The following LRRC4C variants were observed in gnomAD, a reference collection of about 807,000 sequenced individuals.
The protein encoded by LRRC4C is leucine rich repeat containing 4C.
LRRC4C carries 5 observed loss-of-function variants against 33.6 expected under a neutral mutation model. That is an observed-to-expected ratio of 0.15 (90% confidence interval 0.08 to 0.31). The LOEUF (loss-of-function observed/expected upper bound fraction) is 0.31, where lower values mean the gene tolerates loss of function less well. LRRC4C is among the 10% of genes least tolerant of loss of function. The probability of loss-of-function intolerance (pLI) is 1.00; values close to 1 mark genes in which losing one functional copy is unlikely to be tolerated. For missense variants in LRRC4C, 560 were observed against 796.7 expected (o/e 0.70, Z 3.58); for synonymous variants, 329 against 302.0 (o/e 1.09, Z -0.93).
intron 3 of LRRC4C, among the ~76,000 whole-genome samples, chr11:40,323,381 T>C (rs1945945688): frequency 6.6e-6 from 1 of 152,234 alleles, no homozygotes; most frequent in Non-Finnish European, 1.5e-5. Flanking sequence ...AGAAGCTCAA[T>C]GTGAATTATG....
At chr11:40,679,102 G>T (rs189609810) in intron 2 of LRRC4C, among the ~76,000 whole-genome samples, 30 of 152,274 alleles carry the variant, frequency 2.0e-4, no homozygotes, top group African/African-American at 7.0e-4. Flanking sequence ...CTAGAGCAAA[G>T]GTGACCCTTG....
At chr11:40,150,394 T>C (rs191298246) in intron 5 of LRRC4C, among the ~76,000 whole-genome samples, 4 of 152,374 alleles carry the variant, frequency 2.6e-5, no homozygotes, top group African/African-American at 9.6e-5. Context: ...TTTCTTTGTA[T>C]TCTATATGCA....
intron 1 of LRRC4C, among the ~76,000 whole-genome samples, chr11:41,211,079 T>C (rs996873817): frequency 6.6e-6 from 1 of 152,172 alleles, no homozygotes; most frequent in Non-Finnish European, 1.5e-5. Context: ...TGCGGCCTAG[T>C]TCCTAACAGG....
intron 1 of LRRC4C, among the ~76,000 whole-genome samples, chr11:41,176,010 C>A (rs1026310479): frequency 1.3e-5 from 2 of 152,154 alleles, no homozygotes; most frequent in South Asian, 4.1e-4. Flanking sequence ...CCTACGCATT[C>A]CCTGACTATA....
At chr11:41,235,158 G>A (rs1947963870) in intron 1 of LRRC4C, among the ~76,000 whole-genome samples, 1 of 152,010 alleles carries the variant, frequency 6.6e-6, no homozygotes, top group African/African-American at 2.4e-5. Flanking sequence ...AATGGGGTAG[G>A]TGGGTCAATT....
chr11:40,226,095 A>T (rs1360109756), intron 5 of LRRC4C, among the ~76,000 whole-genome samples: 1 of 152,204 alleles, frequency 6.6e-6, no homozygotes, highest in African/African-American at 2.4e-5. Context: ...CCAGTTTTAT[A>T]AAAAAGTACA....
chr11:40,456,286 T>C (rs1022076413), intron 3 of LRRC4C, among the ~76,000 whole-genome samples: 1 of 152,186 alleles, frequency 6.6e-6, no homozygotes, highest in Non-Finnish European at 1.5e-5. Context: ...TATATGTATA[T>C]TGTAGCAATT....
intron 1 of LRRC4C, among the ~76,000 whole-genome samples, chr11:41,186,394 C>T (rs1300433112): frequency 6.6e-6 from 1 of 152,050 alleles, no homozygotes; most frequent in Admixed American, 6.6e-5. Context: ...AACCATATTT[C>T]AAGTTAAAAT....
At chr11:40,820,476 G>A (rs555783436) in intron 2 of LRRC4C, among the ~76,000 whole-genome samples, 2 of 151,968 alleles carry the variant, frequency 1.3e-5, no homozygotes, top group East Asian at 1.9e-4. Flanking sequence ...AGTATGAAGA[G>A]TAGGGAGTAA....
At chr11:40,201,348 T>C (rs1680223267) in intron 5 of LRRC4C, among the ~76,000 whole-genome samples, 1 of 152,038 alleles carries the variant, frequency 6.6e-6, no homozygotes, top group Non-Finnish European at 1.5e-5. Flanking sequence ...CTCACTGTTT[T>C]GTTTTTGTTT....
At chr11:40,622,235 T>C (rs1962527097) in intron 3 of LRRC4C, among the ~76,000 whole-genome samples, 1 of 152,070 alleles carries the variant, frequency 6.6e-6, no homozygotes, top group Middle Eastern at 3.4e-3. Flanking sequence ...TCCAAATTTA[T>C]ACTGTAAAAT....
At chr11:40,125,708 T>C (rs1856172315) in intron 6 of LRRC4C, among the ~76,000 whole-genome samples, 1 of 152,184 alleles carries the variant, frequency 6.6e-6, no homozygotes. Context: ...GGTCTGAAGC[T>C]CATCCCACAT....
At chr11:40,689,187 G>A (rs1270923283) in intron 2 of LRRC4C, among the ~76,000 whole-genome samples, 1 of 151,998 alleles carries the variant, frequency 6.6e-6, no homozygotes, top group Non-Finnish European at 1.5e-5. Context: ...TGGAATCTCT[G>A]CTTTATCTTG....
chr11:40,638,773 T>A (rs1209150793), intron 3 of LRRC4C, among the ~76,000 whole-genome samples: 2 of 138,552 alleles, frequency 1.4e-5, no homozygotes, highest in African/African-American at 6.8e-5. Context: ...TGGTCGAGTT[T>A]TTTTTTTTTT....
chr11:40,651,767 G>T (rs554157415), intron 2 of LRRC4C, among the ~76,000 whole-genome samples: 10 of 152,090 alleles, frequency 6.6e-5, no homozygotes, highest in Admixed American at 5.2e-4. Context: ...ATTTTTTTCT[G>T]TTCAATAGTG....
intron 3 of LRRC4C, among the ~76,000 whole-genome samples, chr11:40,585,842 T>C (rs1958709632): frequency 7.3e-6 from 1 of 136,104 alleles, no homozygotes; most frequent in African/African-American, 2.7e-5. Context: ...ATGGTGTATA[T>C]GTGCCAAATT....
intron 2 of LRRC4C, among the ~76,000 whole-genome samples, chr11:40,734,509 T>C (rs1311512501): frequency 6.6e-6 from 1 of 152,036 alleles, no homozygotes; most frequent in Non-Finnish European, 1.5e-5. Flanking sequence ...GTTGGCAAAT[T>C]TGCTTGCAGA....
intron 1 of LRRC4C, among the ~76,000 whole-genome samples, chr11:41,099,614 C>T (rs1476607271): frequency 6.6e-6 from 1 of 151,934 alleles, no homozygotes; most frequent in African/African-American, 2.4e-5. Flanking sequence ...TCAATAGAGG[C>T]AAAAAGGCTT....
At chr11:40,274,866 A>T (rs2136379664) in intron 4 of LRRC4C, among the ~76,000 whole-genome samples, 1 of 152,266 alleles carries the variant, frequency 6.6e-6, no homozygotes, top group Middle Eastern at 3.4e-3. Flanking sequence ...CAGCCATTAC[A>T]AAGGTGCTGC....
Sources: allele counts gnomAD v4.1 joint callset (sites outside exome capture counted in the v4.1 genomes callset), GRCh38; gene constraint gnomAD v4.1.1; transcripts MANE v1.5; gene names NCBI Gene and HGNC (gene_info 2026-07-23, HGNC 2026-07-21).